The following MTHFD2L variants were observed in gnomAD, a reference collection of about 807,000 sequenced individuals.
The protein encoded by MTHFD2L is methylenetetrahydrofolate dehydrogenase (NADP+ dependent) 2 like.
Under a neutral mutation model 34.9 loss-of-function variants are expected in MTHFD2L, and 29 were observed. The observed-to-expected ratio is 0.83, with a 90% CI of 0.62 to 1.13. The LOEUF is 1.13. Among genes scored for constraint, MTHFD2L ranks in the 50% most tolerant of loss-of-function variants. The pLI, the probability that MTHFD2L is intolerant of heterozygous loss-of-function variation, is 0.00. For synonymous variants in MTHFD2L, 167 were observed against 155.7 expected, an observed-to-expected ratio of 1.07 and a Z score of -0.54; for missense variants, 481 against 446.5, an observed-to-expected ratio of 1.08 and a Z score of -0.70.
intron 1 of MTHFD2L, among the ~76,000 whole-genome samples, chr4:74,126,270 A>T (rs1722064865): frequency 6.6e-6 from 1 of 152,196 alleles, no homozygotes; most frequent in Non-Finnish European, 1.5e-5. Context: ...GTCACAAAAC[A>T]TCATCAAACT....
chr4:74,224,127 C>T (rs1488968419), intron 5 of MTHFD2L: 1 of 152,104 alleles, frequency 6.6e-6, no homozygotes, highest in African/African-American at 2.4e-5. Context: ...AGATTGCTTT[C>T]TTCTAAAATA....
intron 5 of MTHFD2L, among the ~76,000 whole-genome samples, chr4:74,206,305 G>T (rs1735304229): frequency 6.6e-6 from 1 of 152,100 alleles, no homozygotes; most frequent in South Asian, 2.1e-4. Flanking sequence ...GCTAACTTGG[G>T]TCGCAGTCCA....
At chr4:74,219,593 G>T (rs1334067753) in intron 5 of MTHFD2L, among the ~76,000 whole-genome samples, 1 of 152,126 alleles carries the variant, frequency 6.6e-6, no homozygotes, top group Admixed American at 6.6e-5. Flanking sequence ...CAAGGAAGAT[G>T]AGTTAAATAA....
intron 1 of MTHFD2L, among the ~76,000 whole-genome samples, chr4:74,165,387 C>G (rs995126954): frequency 6.6e-6 from 1 of 152,098 alleles, no homozygotes; most frequent in Admixed American, 6.5e-5. Context: ...GAGACAGAGT[C>G]TTTCTCTGTC....
chr4:74,154,892 T>C (rs1423756235), upstream of MTHFD2L, among the ~76,000 whole-genome samples: 1 of 152,178 alleles, frequency 6.6e-6, no homozygotes, highest in Non-Finnish European at 1.5e-5. Context: ...TATTTGTATA[T>C]GTAACCATCT....
chr4:74,139,005 G>A (rs1228210457), intron 1 of MTHFD2L, among the ~76,000 whole-genome samples: 2 of 152,192 alleles, frequency 1.3e-5, no homozygotes, highest in South Asian at 2.1e-4. Context: ...AAAGGTAGGT[G>A]CAGTCACCTT....
chr4:74,231,878 A>G lies in MTHFD2L; in HGVS notation c.805+6484A>G, dbSNP rs1740119489. ...ATTGAAAGGCATTTTAGTGTGGTTT[A>G]TGTGTAATACCAAATAAAGAATATT... On this transcript the variant is annotated intron_variant, in intron 6 of 7. Transcript: ENST00000325278. Among the ~76,000 whole-genome samples the G allele has an allele frequency of 2.0e-5, 3 of 152,188 alleles. No individual in the cohort carries two copies. The South Asian group carries it at 6.2e-4, about 32-fold the overall frequency.
chr4:74,193,924 C>T (rs755986888), intron 3 of MTHFD2L: 3 of 151,850 alleles, frequency 2.0e-5, no homozygotes, highest in Non-Finnish European at 2.9e-5. Context: ...CTTATTACAC[C>T]CACTAGGCCT....
Position 74,245,050 on chromosome 4 carries a change from C to T in MTHFD2L, c.805+19656C>T, listed in dbSNP as rs1028548940. ...TCTACTAAAAATACAAAAAAATTAG[C>T]GAGGCGTCGTGGCAGGCGCCTGTAG... is the stretch of plus-strand genomic sequence containing the variant. On this transcript the variant is annotated intron_variant, in intron 6 of 7. Coordinates refer to ENST00000325278, the MANE Select transcript of MTHFD2L (RefSeq NM_001144978.3). 7.9e-5 allele frequency among the ~76,000 whole-genome samples: 12 copies of T among 151,894 alleles called. No homozygotes were observed. In the South Asian group the frequency reaches 1.0e-3, roughly 13 times the overall value.
At chr4:74,222,601 T>G (rs1738401983) in intron 5 of MTHFD2L, among the ~76,000 whole-genome samples, 1 of 152,078 alleles carries the variant, frequency 6.6e-6, no homozygotes, top group Admixed American at 6.6e-5. Context: ...ACCATAGCTG[T>G]TTGTTACCCC....
At chr4:74,222,351 AG>A (rs1205063622) in intron 5 of MTHFD2L, among the ~76,000 whole-genome samples, 1 of 152,076 alleles carries the variant, frequency 6.6e-6, no homozygotes, top group Non-Finnish European at 1.5e-5. Context: ...GCATCTGGTG[AG>A]GGCCTTCTTA....
At chr4:74,291,003 C>CTTTTTTTT (rs10585551) in intron 7 of MTHFD2L, among the ~76,000 whole-genome samples, 725 of 29,276 alleles carry the variant, frequency 0.025, 162 homozygotes, top group Middle Eastern at 0.062. Context: ...TTTTCCTTTT[C>CTTTTTTTT]TTTTTTTTTT....
At chr4:74,115,524 C>T (rs1721642244) in intron 2 of MTHFD2L, among the ~76,000 whole-genome samples, 2 of 152,216 alleles carry the variant, frequency 1.3e-5, no homozygotes, top group Non-Finnish European at 2.9e-5. Context: ...AAGAGGACAA[C>T]AAGAATTAGC....
intron 3 of MTHFD2L, among the ~76,000 whole-genome samples, chr4:74,185,188 A>C (rs1334811019): frequency 1.3e-5 from 2 of 148,816 alleles, no homozygotes; most frequent in East Asian, 4.0e-4. Context: ...AATCTGGAAA[A>C]TCCCTAAATA....
At chr4:74,115,185 T>C (rs1202127729) in intron 2 of MTHFD2L, among the ~76,000 whole-genome samples, 3 of 152,250 alleles carry the variant, frequency 2.0e-5, no homozygotes. Context: ...GGTATAAAAC[T>C]ACTATTCTGT....
intron 3 of MTHFD2L, among the ~76,000 whole-genome samples, chr4:74,188,940 G>GA (rs1475354170): frequency 6.6e-6 from 1 of 151,562 alleles, no homozygotes. Context: ...ACTAGAAATA[G>GA]AAAAAATACA....
intron 5 of MTHFD2L, among the ~76,000 whole-genome samples, chr4:74,206,048 A>G (rs1199843699): frequency 1.3e-5 from 2 of 152,018 alleles, no homozygotes; most frequent in Non-Finnish European, 2.9e-5. Context: ...TTTGTAACCA[A>G]ACACGAGTCC....
chr4:74,293,544 A>G lies in MTHFD2L; in HGVS notation c.932-8153A>G. 4.1e-6 allele frequency: 4 copies of G among 982,684 alleles called. No individual in the cohort carries two copies. In the South Asian group the frequency reaches 1.9e-4, roughly 46 times the overall value. The allele number at this position is 982,684 out of a possible 1,614,324, so 60.9% of individuals were successfully genotyped here. ...TTAGAAAACTTGTGGAAACCTCAAG[A>G]TTCAGCAACCAGATGAATGTAAGAA... On this transcript the variant is annotated intron_variant, in intron 7 of 7. Coordinates refer to ENST00000325278, the MANE Select transcript of MTHFD2L (RefSeq NM_001144978.3).
intron 6 of MTHFD2L, chr4:74,268,090 C>A (rs991205806): frequency 1.0e-6 from 1 of 984,794 alleles, no homozygotes; most frequent in Admixed American, 6.2e-5. Context: ...AGGAAATGTT[C>A]TGTGGTCACT....
Sources: allele counts gnomAD v4.1 joint callset (sites outside exome capture counted in the v4.1 genomes callset), GRCh38; gene constraint gnomAD v4.1.1; transcripts MANE v1.5; gene names NCBI Gene and HGNC (gene_info 2026-07-23, HGNC 2026-07-21).